Variants in CCDC91 observed in about 807,000 individuals in gnomAD.
CCDC91 encodes the protein coiled-coil domain-containing protein 91.
A neutral mutation model predicts 63.2 loss-of-function variants in CCDC91; 48 were observed. The ratio of observed to expected loss-of-function variants is 0.76; its 90% CI spans 0.60 to 0.97. The LOEUF is 0.97. CCDC91 is among the 50% of genes least tolerant of loss of function. The probability of loss-of-function intolerance (pLI) is 0.00; values close to 1 mark genes in which losing one functional copy is unlikely to be tolerated. For synonymous variants in CCDC91, 167 were observed against 165.8 expected (o/e 1.01, Z -0.06); for missense variants, 500 against 494.6 (o/e 1.01, Z -0.10).
At chr12:28,472,237 C>T (rs1308202476) in intron 11 of CCDC91, among the ~76,000 whole-genome samples, 2 of 152,098 alleles carry the variant, frequency 1.3e-5, no homozygotes, top group Admixed American at 6.6e-5. Context: ...TTAGATTGAG[C>T]GGCTGATTGC....
chr12:28,294,055 C>T (rs1949403645), intron 3 of CCDC91, among the ~76,000 whole-genome samples: 1 of 152,068 alleles, frequency 6.6e-6, no homozygotes. Context: ...GAACTCTGCT[C>T]GTGACTTGAC....
intron 3 of CCDC91, among the ~76,000 whole-genome samples, chr12:28,279,558 A>T (rs1948462313): frequency 6.6e-6 from 1 of 152,034 alleles, no homozygotes; most frequent in Admixed American, 6.6e-5. Context: ...GTTCTGAATC[A>T]CTTTGGTGGG....
chr12:28,459,528 G>T (rs906353115), intron 11 of CCDC91, among the ~76,000 whole-genome samples: 4 of 152,112 alleles, frequency 2.6e-5, no homozygotes, highest in Non-Finnish European at 5.9e-5. Context: ...ATTTAAAATA[G>T]TGCTTCGGAT....
chr12:28,442,525 T>C (rs1949281724), intron 8 of CCDC91, among the ~76,000 whole-genome samples: 1 of 152,120 alleles, frequency 6.6e-6, no homozygotes, highest in South Asian at 2.1e-4. Context: ...AAAACTGTTC[T>C]AGATTTTTAG....
At chr12:28,227,068 A>G (rs1264783554) in intron 1 of CCDC91, among the ~76,000 whole-genome samples, 1 of 152,122 alleles carries the variant, frequency 6.6e-6, no homozygotes, top group East Asian at 1.9e-4. Flanking sequence ...TTTTTATCAC[A>G]TTGTATCAAG....
chr12:28,490,717 A>G (rs1951953415), intron 12 of CCDC91, among the ~76,000 whole-genome samples: 2 of 151,894 alleles, frequency 1.3e-5, no homozygotes, highest in South Asian at 2.1e-4. Flanking sequence ...CTTATTCACT[A>G]TTTCTCTATC....
intron 1 of CCDC91, among the ~76,000 whole-genome samples, chr12:28,233,052 C>CT (rs556321504): frequency 1.3e-5 from 2 of 150,554 alleles, no homozygotes; most frequent in South Asian, 2.1e-4. Flanking sequence ...TTTCCTAAGT[C>CT]TTTTTTTTCC....
intron 6 of CCDC91, among the ~76,000 whole-genome samples, chr12:28,355,249 T>TG (rs1253348177): frequency 6.6e-6 from 1 of 152,088 alleles, no homozygotes; most frequent in Non-Finnish European, 1.5e-5. Flanking sequence ...TGATGCAAAG[T>TG]GGAGTTTCTT....
At chr12:28,453,642 C>CT (rs80202574) in intron 11 of CCDC91, among the ~76,000 whole-genome samples, 30,729 of 151,186 alleles carry the variant, frequency 0.2, 4,060 homozygotes, top group Non-Finnish European at 0.3. Flanking sequence ...AGTAGCAGAT[C>CT]TTTTTTTTTC....
intron 10 of CCDC91, among the ~76,000 whole-genome samples, chr12:28,451,493 C>G (rs1423558025): frequency 6.6e-6 from 1 of 151,510 alleles, no homozygotes; most frequent in East Asian, 1.9e-4. Context: ...TGATTTAAAG[C>G]AAAAAGTCAA....
chr12:28,491,861 T>G (rs564339889), intron 12 of CCDC91, among the ~76,000 whole-genome samples: 168 of 145,258 alleles, frequency 1.2e-3, no homozygotes, highest in African/African-American at 3.6e-3. Flanking sequence ...GTCAAAAATT[T>G]TGTGTGTGTG....
intron 3 of CCDC91, among the ~76,000 whole-genome samples, chr12:28,283,352 T>G (rs1948720149): frequency 6.6e-6 from 1 of 151,922 alleles, no homozygotes; most frequent in African/African-American, 2.4e-5. Flanking sequence ...ATATGGTATG[T>G]TTTTCCATTT....
chr12:28,193,860 GTGTC>G (rs141242642), intron 1 of CCDC91, among the ~76,000 whole-genome samples: 42,451 of 151,962 alleles, frequency 0.28, 6,134 homozygotes, highest in Non-Finnish European at 0.31. Context: ...CTTTGATTAA[GTGTC>G]TGCTGAAATC....
At chr12:28,194,944 T>C (rs1226279997) in intron 1 of CCDC91, among the ~76,000 whole-genome samples, 3 of 152,196 alleles carry the variant, frequency 2.0e-5, no homozygotes, top group Non-Finnish European at 4.4e-5. Context: ...CTCATAAAGA[T>C]AGTGCGGACC....
At chr12:28,498,186 T>C (rs1952413386) in intron 12 of CCDC91, among the ~76,000 whole-genome samples, 2 of 151,674 alleles carry the variant, frequency 1.3e-5, no homozygotes, top group Admixed American at 6.6e-5. Flanking sequence ...ATGTGATTCA[T>C]TCACTCCTTT....
chr12:28,465,856 A>G (rs1950523004), intron 11 of CCDC91, among the ~76,000 whole-genome samples: 1 of 152,196 alleles, frequency 6.6e-6, no homozygotes, highest in South Asian at 2.1e-4. Context: ...CTGGAGATAC[A>G]GAGATATATG....
chr12:28,425,527 A>G (rs1391554664), intron 8 of CCDC91, among the ~76,000 whole-genome samples: 2 of 152,152 alleles, frequency 1.3e-5, no homozygotes, highest in Admixed American at 6.5e-5. Flanking sequence ...GTGCTGTTCC[A>G]TAGGGAAATT....
chr12:28,441,667 A>C (rs1041501092), intron 8 of CCDC91, among the ~76,000 whole-genome samples: 14 of 148,244 alleles, frequency 9.4e-5, no homozygotes, highest in Admixed American at 6.7e-4. Context: ...ATATATATAT[A>C]TCTCATATAT....
chr12:28,411,178 T>G (rs1682327344), intron 8 of CCDC91, among the ~76,000 whole-genome samples: 1 of 152,200 alleles, frequency 6.6e-6, no homozygotes, highest in South Asian at 2.1e-4. Flanking sequence ...TCCATTCTTC[T>G]GAAATACAAG....
Sources: gnomAD v4.1 joint callset for allele counts (sites outside exome capture counted in the v4.1 genomes callset) on GRCh38, gnomAD v4.1.1 for gene constraint, MANE v1.5 for transcripts, NCBI Gene and HGNC (gene_info 2026-07-23, HGNC 2026-07-21) for gene names.